The following ABLIM3 variants were observed in gnomAD, a reference collection of about 807,000 sequenced individuals.
ABLIM3 encodes actin-binding LIM protein 3.
Under a neutral mutation model 109.5 loss-of-function variants are expected in ABLIM3, and 61 were observed. That is an observed-to-expected ratio of 0.56 (90% CI 0.45 to 0.69). The LOEUF (loss-of-function observed/expected upper bound fraction) is 0.69, where lower values mean the gene tolerates loss of function less well. Ranked by LOEUF, ABLIM3 falls within the 30% of genes least tolerant of loss-of-function variation. The pLI is 0.00. For synonymous variants in ABLIM3, 300 were observed against 324.8 expected (o/e 0.92, Z 0.82); for missense variants, 796 against 889.5 (o/e 0.89, Z 1.34).
At chr5:149,235,186 G>T (rs947499621) in intron 10 of ABLIM3, among the ~76,000 whole-genome samples, 1 of 152,166 alleles carries the variant, frequency 6.6e-6, no homozygotes, top group African/African-American at 2.4e-5. Flanking sequence ...GACTGAACAT[G>T]TCATAGAAGC....
At chr5:149,217,339 G>A (rs1362562213) in intron 8 of ABLIM3, 2 of 453,244 alleles carry the variant, frequency 4.4e-6, no homozygotes, top group Non-Finnish European at 4.1e-6. Context: ...CTCTGCCTTG[G>A]GGGTGGGAAG....
At chr5:149,229,726 A>T (rs992759271) in intron 8 of ABLIM3, among the ~76,000 whole-genome samples, 1 of 152,210 alleles carries the variant, frequency 6.6e-6, no homozygotes, top group Non-Finnish European at 1.5e-5. Flanking sequence ...CAGAGGGATA[A>T]TATGTTCCTA....
Position 149,198,234 on chromosome 5 carries a change from T to C in ABLIM3, c.167T>C (p.Leu56Pro), listed in dbSNP as rs1371865026. The C allele has an allele frequency of 4.3e-6, 7 of 1,613,270 alleles. No individual in the cohort carries two copies. Residue 56 changes from leucine to proline, a missense_variant, in exon 4 of 24, where the codon CTG becomes CCG. Coordinates refer to ENST00000309868, the MANE Select transcript of ABLIM3 (RefSeq NM_014945.5). This position sits in a 1 kb window ranked among gnomAD's most constrained non-coding sequence, Gnocchi z 4.2. ...GTTCCCCAAGTATGTGGCTGTGGCC[T>C]GGCCCAGTCAGGCTTCTTCTTCAAG... ...CFTCQVCGCG[L>P]AQSGFFFKNQ... is the part of the protein sequence containing the mutation.
chr5:149,164,145 CTG>C (rs1278517047), intron 2 of ABLIM3: 1 of 152,140 alleles, frequency 6.6e-6, no homozygotes, highest in African/African-American at 2.4e-5. Flanking sequence ...GTGGGCCTGA[CTG>C]TGTTGTGATT....
rs753789765 is a variant in ABLIM3, at chr5:149,187,224, T to C, written c.151+3635T>C. Reference sequence around the variant, plus strand: ...ATCTAGAGCTGTTGAAAGACACATATCCTTGAATCCAGAAAACCTAATAAA... The same window carrying C: ...ATCTAGAGCTGTTGAAAGACACATACCCTTGAATCCAGAAAACCTAATAAA... On this transcript the variant is annotated intron_variant, in intron 3 of 23. Transcript: ENST00000309868. Among the ~76,000 whole-genome samples the C allele has an allele frequency of 7.0e-4, 107 of 152,290 alleles. 2 individuals carry two copies. The highest frequency in any genetic ancestry group is 1.3e-3 in the Non-Finnish European group (88 of 68,022).
chr5:149,214,904 T>C (rs761906994), intron 7 of ABLIM3, among the ~76,000 whole-genome samples: 3 of 152,186 alleles, frequency 2.0e-5, no homozygotes, highest in African/African-American at 4.8e-5. Context: ...GGCTCTGTTT[T>C]GAGGGTACCA....
intron 20 of ABLIM3, among the ~76,000 whole-genome samples, 184 bp from the exon 21 acceptor site, chr5:149,251,175 A>G (rs1434145031): frequency 6.6e-6 from 1 of 152,230 alleles, no homozygotes; most frequent in Non-Finnish European, 1.5e-5. Flanking sequence ...TTGAGTAGCC[A>G]CCATGTGCCA....
intron 2 of ABLIM3, among the ~76,000 whole-genome samples, chr5:149,148,004 A>G (rs545579150): frequency 6.6e-6 from 1 of 152,236 alleles, no homozygotes; most frequent in Admixed American, 6.5e-5. Flanking sequence ...AGGTCACGCA[A>G]CCTCTCAGAC....
Position 149,250,455 on chromosome 5 carries a change from A to C in ABLIM3, c.1738A>C (p.Ile580Leu). ...TAGATCCTTCTTTTCAGATCCTCTCATCTCCAAATCTGCCTCCCTGCCTGC... is the reference window on the plus strand; with the variant it reads ...TAGATCCTTCTTTTCAGATCCTCTCCTCTCCAAATCTGCCTCCCTGCCTGC... ...SHYLADSDPL[I>L]SKSASLPAYR... Residue 580 changes from isoleucine to leucine, a missense_variant, in exon 20 of 24, where the codon ATC (isoleucine) becomes CTC (leucine). Physicochemically the swap from Ile to Leu is conservative, Grantham distance 5 (BLOSUM62 2). Transcript: ENST00000309868. The C allele has an allele frequency of 6.2e-7, 1 of 1,614,166 alleles. No homozygotes were observed. Among genetic ancestry groups the C allele is most frequent in the South Asian group, 1.1e-5 (1 of 91,084 alleles).
intron 23 of ABLIM3, among the ~76,000 whole-genome samples, chr5:149,257,135 T>C (rs1754503291): frequency 6.6e-6 from 1 of 152,152 alleles, no homozygotes; most frequent in African/African-American, 2.4e-5. Flanking sequence ...TGAAACCCCA[T>C]CTCTACTAAA....
intron 8 of ABLIM3, among the ~76,000 whole-genome samples, chr5:149,223,304 C>T (rs1032147294): frequency 7.9e-5 from 12 of 152,164 alleles, no homozygotes; most frequent in Non-Finnish European, 1.6e-4. Flanking sequence ...TCGACTTCAG[C>T]AGTCAATTTG....
At chr5:149,143,468 C>T (rs544315512) in intron 2 of ABLIM3, among the ~76,000 whole-genome samples, 1 of 151,752 alleles carries the variant, frequency 6.6e-6, no homozygotes, top group Non-Finnish European at 1.5e-5. Context: ...CTATCAAGAC[C>T]TTATTGAAGC....
intron 6 of ABLIM3, among the ~76,000 whole-genome samples, chr5:149,209,985 T>TTCTC (rs35624365): frequency 0.44 from 66,124 of 151,750 alleles, 14,922 homozygotes; most frequent in East Asian, 0.65. Flanking sequence ...AAAGAAATGT[T>TTCTC]TCTCCTCAGA....
At chr5:149,201,593 C>T (rs1380083816) in intron 5 of ABLIM3, among the ~76,000 whole-genome samples, 1 of 152,160 alleles carries the variant, frequency 6.6e-6, no homozygotes, top group Admixed American at 6.5e-5. Flanking sequence ...CAGATCTGTT[C>T]CTGGAATGTG....
chr5:149,155,336 A>T (rs1436854172), intron 2 of ABLIM3, among the ~76,000 whole-genome samples: 14 of 152,208 alleles, frequency 9.2e-5, no homozygotes, highest in Admixed American at 9.2e-4. Flanking sequence ...TGAGACAGTG[A>T]CATTCCATAT....
At chr5:149,195,581 A>G (rs1473184413) in intron 3 of ABLIM3, among the ~76,000 whole-genome samples, 1 of 151,782 alleles carries the variant, frequency 6.6e-6, no homozygotes, top group African/African-American at 2.4e-5. Flanking sequence ...CCACTGGGAG[A>G]GGTGGCTCTG....
intron 8 of ABLIM3, among the ~76,000 whole-genome samples, chr5:149,226,778 C>G (rs1415738318): frequency 6.6e-6 from 1 of 152,044 alleles, no homozygotes; most frequent in Non-Finnish European, 1.5e-5. Flanking sequence ...CATTAAAAAA[C>G]AAAAAGCATT....
intron 8 of ABLIM3, chr5:149,220,958 A>G (rs1760588889): frequency 6.6e-6 from 1 of 152,278 alleles, no homozygotes; most frequent in Non-Finnish European, 1.5e-5. Flanking sequence ...AGAAACCAAC[A>G]GTGCCAAATA....
chr5:149,210,270 C>A (rs953858707), intron 6 of ABLIM3, among the ~76,000 whole-genome samples: 1 of 152,190 alleles, frequency 6.6e-6, no homozygotes, highest in African/African-American at 2.4e-5. Context: ...TGAATTCCAG[C>A]TCTAGGTCAT....
Sources: gnomAD v4.1 joint callset for allele counts (sites outside exome capture counted in the v4.1 genomes callset) on GRCh38, gnomAD v4.1.1 for gene constraint, Gnocchi (gnomAD v3.1) non-coding constraint, MANE v1.5 for transcripts, NCBI Gene and HGNC (gene_info 2026-07-23, HGNC 2026-07-21) for gene names.